The following EFCAB8 variants were observed in gnomAD, a reference collection of about 807,000 sequenced individuals.
EFCAB8 encodes EF-hand calcium binding domain 8.
In EFCAB8, 100 loss-of-function variants were observed where a neutral mutation model predicts 116.3. That is an observed-to-expected ratio of 0.86 (90% CI 0.73 to 1.02). The LOEUF is 1.02. Among genes scored for constraint, EFCAB8 ranks in the 50% least tolerant of loss-of-function variants. EFCAB8 has a pLI of 0.00. For synonymous variants in EFCAB8, 558 were observed against 567.9 expected, an observed-to-expected ratio of 0.98 and a Z score of 0.25; for missense variants, 1,320 against 1,416.9, an observed-to-expected ratio of 0.93 and a Z score of 1.10.
At chr20:32,938,936 T>A (rs1198064018) in intron 22 of EFCAB8, among the ~76,000 whole-genome samples, 1 of 147,794 alleles carries the variant, frequency 6.8e-6, no homozygotes, top group East Asian at 2.0e-4. Flanking sequence ...CTTTTCTTCC[T>A]TCCCTCCCTC....
intron 19 of EFCAB8, 47 bp downstream of exon 19, chr20:32,918,621 C>T: frequency 2.0e-6 from 3 of 1,525,376 alleles, no homozygotes; most frequent in Non-Finnish European, 2.7e-6. Flanking sequence ...TCTCTAGCCG[C>T]CGGCGTTCAC....
intron 14 of EFCAB8, 52 bp from the exon 15 acceptor site, chr20:32,909,769 T>G: frequency 1.0e-6 from 1 of 996,192 alleles, no homozygotes; most frequent in Non-Finnish European, 1.3e-6. Context: ...CCCATCACTG[T>G]GAGCAGAGCC....
intron 5 of EFCAB8, among the ~76,000 whole-genome samples, chr20:32,883,857 A>ATT (rs1985472135): frequency 6.6e-6 from 1 of 151,910 alleles, no homozygotes; most frequent in Non-Finnish European, 1.5e-5. Flanking sequence ...CACCTGGCTA[A>ATT]TTTTTGTATT....
intron 3 of EFCAB8, 144 bp downstream of exon 3, chr20:32,867,891 A>G: frequency 1.0e-6 from 1 of 952,476 alleles, no homozygotes; most frequent in Non-Finnish European, 1.5e-6. Flanking sequence ...CCCAGTCTGG[A>G]GTGCAGTGGT....
intron 24 of EFCAB8, 148 bp from the exon 25 acceptor site, chr20:32,959,630 G>C: frequency 1.6e-6 from 1 of 638,394 alleles, no homozygotes; most frequent in Non-Finnish European, 2.7e-6. Context: ...TACTTACTCA[G>C]TGATGGACTC....
At chr20:32,939,382 A>C (rs552343779) in intron 22 of EFCAB8, among the ~76,000 whole-genome samples, 1 of 145,188 alleles carries the variant, frequency 6.9e-6, no homozygotes, top group East Asian at 2.0e-4. Context: ...TCCCAGGTTC[A>C]AACGATTTTC....
chr20:32,909,260 G>T (rs1280576030), intron 14 of EFCAB8, among the ~76,000 whole-genome samples: 1 of 152,206 alleles, frequency 6.6e-6, no homozygotes, highest in African/African-American at 2.4e-5. Flanking sequence ...CAGACAGGTG[G>T]TCAGCATTTG....
intron 23 of EFCAB8, among the ~76,000 whole-genome samples, chr20:32,944,289 G>A (rs1397496129): frequency 6.6e-6 from 1 of 151,628 alleles, no homozygotes; most frequent in Non-Finnish European, 1.5e-5. Flanking sequence ...TTGTTTTAGT[G>A]ACCTGTCTCT....
chr20:32,960,472 GCTGT>G (rs1264480104), intron 26 of EFCAB8, among the ~76,000 whole-genome samples: 1 of 152,226 alleles, frequency 6.6e-6, no homozygotes, highest in Non-Finnish European at 1.5e-5. Context: ...ATGGTCTGTG[GCTGT>G]CTATTTGCTG....
At chr20:32,886,028 T>G (rs561043104) in intron 6 of EFCAB8, among the ~76,000 whole-genome samples, 1 of 152,342 alleles carries the variant, frequency 6.6e-6, no homozygotes, top group Non-Finnish European at 1.5e-5. Context: ...TCCTACCGAT[T>G]CAGGCCTTTT....
intron 20 of EFCAB8, among the ~76,000 whole-genome samples, chr20:32,924,370 G>A (rs1987589680): frequency 6.6e-6 from 1 of 152,068 alleles, no homozygotes; most frequent in African/African-American, 2.4e-5. Context: ...AGCTACATGT[G>A]TTGTTTTTAT....
intron 11 of EFCAB8, among the ~76,000 whole-genome samples, chr20:32,899,491 G>A (rs1048766587): frequency 6.6e-6 from 1 of 151,534 alleles, no homozygotes; most frequent in Non-Finnish European, 1.5e-5. Context: ...ACATTATAAA[G>A]AAGGTTGGAG....
In EFCAB8 at chr20:32,887,449, C is replaced by A. The variant is rs147885657; in HGVS notation, c.567+1809C>A. Among the ~76,000 whole-genome samples, 617 of 152,188 alleles carry A rather than the reference C, an allele frequency of 4.1e-3. 6 individuals carry two copies. The highest frequency in any genetic ancestry group is 0.014 in the African/African-American group (598 of 41,512). ...AAATTAGCCAGGCGTAGTGGCGCAC[C>A]CCTGTAATCCCAGCTACTTGGGAGG... On this transcript the variant is annotated intron_variant, in intron 6 of 26. Coordinates refer to ENST00000400522, the MANE Select transcript of EFCAB8 (RefSeq NM_001143967.2).
chr20:32,939,124 T>TCC (rs1491385057), intron 22 of EFCAB8, among the ~76,000 whole-genome samples: 1 of 101,286 alleles, frequency 9.9e-6, no homozygotes, highest in Non-Finnish European at 2.0e-5. Flanking sequence ...TCTCTTTCTT[T>TCC]CTCTTTCTTT....
chr20:32,920,929 G>A (rs1044940752), intron 20 of EFCAB8, among the ~76,000 whole-genome samples: 19 of 152,192 alleles, frequency 1.2e-4, no homozygotes, highest in Middle Eastern at 3.4e-3. Flanking sequence ...GTTTTATACC[G>A]AACACGAGTT....
chr20:32,928,981 T>C (rs965307483), intron 20 of EFCAB8, among the ~76,000 whole-genome samples: 1 of 151,988 alleles, frequency 6.6e-6, no homozygotes, highest in Non-Finnish European at 1.5e-5. Context: ...AGGTGGTATA[T>C]TTATTGATTT....
intron 23 of EFCAB8, among the ~76,000 whole-genome samples, chr20:32,945,573 A>T (rs1250901508): frequency 6.6e-6 from 1 of 152,226 alleles, no homozygotes; most frequent in Non-Finnish European, 1.5e-5. Context: ...TTCTTTGTCA[A>T]ATAATTAATA....
intron 20 of EFCAB8, among the ~76,000 whole-genome samples, chr20:32,927,600 T>TGGTGGA (rs1987723857): frequency 6.6e-6 from 1 of 152,144 alleles, no homozygotes; most frequent in Non-Finnish European, 1.5e-5. Context: ...CCGCCTTGGC[T>TGGTGGA]TCCCAAAATG....
In EFCAB8 at chr20:32,919,574, G is replaced by T. The variant is rs551445755; in HGVS notation, c.2275-504G>T. Among the ~76,000 whole-genome samples, 5 of 152,210 alleles carry T rather than the reference G, an allele frequency of 3.3e-5. No individual in the cohort carries two copies. In the South Asian group the frequency reaches 8.3e-4, roughly 25 times the overall value. On this transcript the variant is annotated intron_variant, in intron 19 of 26. Transcript: ENST00000400522. ...TGCAGTGGCGTGGTCTTCGCTCAGT[G>T]CAACCTCTGTCTCCTGGGTTCAAGC...
Sources: gnomAD v4.1 joint callset for allele counts (sites outside exome capture counted in the v4.1 genomes callset) on GRCh38, gnomAD v4.1.1 for gene constraint, MANE v1.5 for transcripts, NCBI Gene and HGNC (gene_info 2026-07-23, HGNC 2026-07-21) for gene names.